Variants in CD96 observed in about 807,000 individuals in gnomAD.
CD96 encodes CD96 molecule, also known as T-cell surface protein tactile.
CD96 carries 70 observed loss-of-function variants against 71.3 expected under a neutral mutation model. The ratio of observed to expected loss-of-function variants is 0.98; its 90% CI spans 0.81 to 1.20. The LOEUF (loss-of-function observed/expected upper bound fraction) is 1.20, where lower values mean the gene tolerates loss of function less well. CD96 is among the 50% of genes most tolerant of loss of function. The probability of loss-of-function intolerance (pLI) is 0.00; values close to 1 mark genes in which losing one functional copy is unlikely to be tolerated. For missense variants in CD96, 742 were observed against 677.5 expected (o/e 1.10, Z -1.06); for synonymous variants, 248 against 233.0 (o/e 1.06, Z -0.59).
At chr3:111,660,321 T>G (rs1242280300) in intron 14 of CD96, among the ~76,000 whole-genome samples, 1 of 151,900 alleles carries the variant, frequency 6.6e-6, no homozygotes, top group African/African-American at 2.4e-5. Context: ...AAGTGAACAA[T>G]CTCTACAAGA....
intron 12 of CD96, among the ~76,000 whole-genome samples, chr3:111,638,884 C>G (rs1939461489): frequency 6.6e-6 from 1 of 151,934 alleles, no homozygotes; most frequent in South Asian, 2.1e-4. Flanking sequence ...AAAGAGCTGT[C>G]TAGTTTAGAG....
At chr3:111,613,791 G>A (rs529767695) in intron 8 of CD96, among the ~76,000 whole-genome samples, 99 of 152,302 alleles carry the variant, frequency 6.5e-4, no homozygotes, top group Middle Eastern at 3.4e-3. Context: ...TAAATTTTTA[G>A]GTTCAGTTTT....
chr3:111,548,159 G>A (rs2107470582), intron 2 of CD96, among the ~76,000 whole-genome samples: 1 of 152,286 alleles, frequency 6.6e-6, no homozygotes, highest in South Asian at 2.1e-4. Context: ...GCAAATTGAA[G>A]TGGTGCATAA....
intron 2 of CD96, among the ~76,000 whole-genome samples, chr3:111,556,607 T>C (rs2107506845): frequency 7.4e-6 from 1 of 135,116 alleles, no homozygotes. Context: ...TCTATCATTG[T>C]TGGACATTTG....
intron 3 of CD96, among the ~76,000 whole-genome samples, chr3:111,576,496 T>G (rs1419532382): frequency 6.6e-6 from 1 of 152,216 alleles, no homozygotes; most frequent in African/African-American, 2.4e-5. Flanking sequence ...CTGTAGATAC[T>G]TCAGAAAGGT....
At chr3:111,550,551 A>T (rs958158438) in intron 2 of CD96, among the ~76,000 whole-genome samples, 1 of 152,134 alleles carries the variant, frequency 6.6e-6, no homozygotes, top group Non-Finnish European at 1.5e-5. Flanking sequence ...GAAAATGGGG[A>T]CAATGATACT....
chr3:111,623,781 T>C lies in CD96; in HGVS notation c.1208T>C (p.Leu403Pro), dbSNP rs759768002. The change falls in exon 9 of 14, where the codon CTT becomes CCT. Residue 403 changes from leucine (L) to proline (P), a missense_variant. Leu to Pro is a moderately conservative substitution (Grantham distance 98). Coordinates refer to ENST00000352690, the MANE Select transcript of CD96 (RefSeq NM_005816.5). ...ARYPATSSVT[L>P]VDVSALRPNT... Reference sequence around the variant, plus strand: ...TATCCAGCTACATCTTCAGTGACCCTTGTAGATGTGAGTGCCTTGAGGCCA... The same window carrying C: ...TATCCAGCTACATCTTCAGTGACCCCTGTAGATGTGAGTGCCTTGAGGCCA... 6 of 1,610,670 alleles carry C rather than the reference T, an allele frequency of 3.7e-6. No individual in the cohort carries two copies. The African/African-American group carries it at 8.0e-5, about 22-fold the overall frequency.
intron 2 of CD96, among the ~76,000 whole-genome samples, chr3:111,552,060 CT>C (rs1934739831): frequency 6.6e-6 from 1 of 152,060 alleles, no homozygotes; most frequent in Non-Finnish European, 1.5e-5. Context: ...TGATGTTGAG[CT>C]TTTTTTCATA....
rs142624479 is a variant in CD96, at chr3:111,567,637, C to G, written c.533C>G (p.Ala178Gly). 5.0e-6 allele frequency: 8 copies of G among 1,612,922 alleles called. No homozygotes were observed. Among genetic ancestry groups the G allele is most frequent in the Middle Eastern group, 1.6e-4 (1 of 6,082 alleles). The change falls in exon 3 of 14, where the codon GCA becomes GGA. Residue 178 changes from alanine (A) to glycine (G), a missense_variant. Ala to Gly is a moderately conservative substitution (Grantham distance 60). Coordinates refer to ENST00000352690, the MANE Select transcript of CD96 (RefSeq NM_005816.5). ...SSKISSEFTY[A>G]WSVEDNGTQE... ...AAAATTTCATCTGAGTTCACCTATG[C>G]ATGGTCGGTGGTAAGTGTTGCCCTT...
Position 111,579,143 on chromosome 3 carries a change from C to T in CD96, c.660C>T (p.Val220=), listed in dbSNP as rs779012803. Residue 220 remains valine (V), a synonymous_variant, in exon 4 of 14, where the codon GTC becomes GTT. Coordinates refer to ENST00000352690, the MANE Select transcript of CD96 (RefSeq NM_005816.5). ...GTDYRLHLSP[V]QIFDDGRKFS... ...ACTACAGACTCCACCTCTCTCCAGT[C>T]CAAATCTTCGATGATGGGCGGAAGT... 6.2e-7 allele frequency: 1 copy of T among 1,605,668 alleles called. No individual in the cohort carries two copies. The highest frequency in any genetic ancestry group is 1.7e-5 in the Admixed American group (1 of 60,014).
chr3:111,596,249 T>A (rs1438190487), intron 5 of CD96, among the ~76,000 whole-genome samples: 2 of 148,944 alleles, frequency 1.3e-5, no homozygotes, highest in Non-Finnish European at 1.5e-5. Flanking sequence ...ATGTAGAGGT[T>A]GACAGTTAAA....
chr3:111,554,249 T>C (rs1040639644), intron 2 of CD96, among the ~76,000 whole-genome samples: 2 of 152,104 alleles, frequency 1.3e-5, no homozygotes, highest in African/African-American at 4.8e-5. Context: ...CTTCCAATCA[T>C]GAACTCTATC....
chr3:111,605,075 C>T (rs1298262211), intron 7 of CD96, among the ~76,000 whole-genome samples: 1 of 152,204 alleles, frequency 6.6e-6, no homozygotes, highest in African/African-American at 2.4e-5. Flanking sequence ...GTCAGACACA[C>T]ACTTAATGCT....
chr3:111,592,020 T>C (rs1052286570), intron 5 of CD96, among the ~76,000 whole-genome samples: 1 of 152,244 alleles, frequency 6.6e-6, no homozygotes, highest in South Asian at 2.1e-4. Context: ...ACTTGGGCTA[T>C]CTCTGAGATA....
chr3:111,570,610 T>A (rs867401160), intron 3 of CD96: 8 of 1,568,680 alleles, frequency 5.1e-6, no homozygotes, highest in Middle Eastern at 1.7e-4. Flanking sequence ...ACAGGTGAGA[T>A]GTGAGACACC....
intron 8 of CD96, among the ~76,000 whole-genome samples, chr3:111,621,240 C>T (rs1226045303): frequency 6.6e-6 from 1 of 152,176 alleles, no homozygotes; most frequent in Non-Finnish European, 1.5e-5. Context: ...TCTTTTTCAT[C>T]ATCCTCATTA....
chr3:111,569,861 G>A (rs1935895944), intron 3 of CD96, among the ~76,000 whole-genome samples: 1 of 152,186 alleles, frequency 6.6e-6, no homozygotes, highest in Non-Finnish European at 1.5e-5. Context: ...CCCCAATCCA[G>A]ATGACCCACT....
intron 10 of CD96, among the ~76,000 whole-genome samples, chr3:111,627,763 G>A (rs1938847754): frequency 6.6e-6 from 1 of 152,142 alleles, no homozygotes; most frequent in African/African-American, 2.4e-5. Context: ...CCAGCAACAG[G>A]TCAGTACCCC....
chr3:111,661,023 AAT>A (rs1940341141), intron 14 of CD96, among the ~76,000 whole-genome samples: 2 of 152,326 alleles, frequency 1.3e-5, no homozygotes, highest in Non-Finnish European at 2.9e-5. Context: ...AAAGAGATTT[AAT>A]TGACTCAGAG....
Sources: gnomAD v4.1 joint callset for allele counts (sites outside exome capture counted in the v4.1 genomes callset) on GRCh38, gnomAD v4.1.1 for gene constraint, MANE v1.5 for transcripts, NCBI Gene and HGNC (gene_info 2026-07-23, HGNC 2026-07-21) for gene names.